Variants in LNPEP observed in about 807,000 individuals in gnomAD.
LNPEP encodes leucyl and cystinyl aminopeptidase, also known as leucyl-cystinyl aminopeptidase.
In LNPEP, 64 loss-of-function variants were observed where a neutral mutation model predicts 120.6. That is an observed-to-expected ratio of 0.53 (90% CI 0.43 to 0.65). The LOEUF is 0.65. Among genes scored for constraint, LNPEP ranks in the 30% least tolerant of loss-of-function variants. The pLI, the probability that LNPEP is intolerant of heterozygous loss-of-function variation, is 0.00. For missense variants in LNPEP, 1,057 were observed against 1,200.0 expected (o/e 0.88, Z 1.76); for synonymous variants, 435 against 425.4 (o/e 1.02, Z -0.28).
In LNPEP at chr5:97,006,236, A is replaced by G; in HGVS notation, c.1946+3A>G. On this transcript the variant is annotated splice_donor_region_variant and intron_variant, in intron 10 of 17. Coordinates refer to ENST00000231368, the MANE Select transcript of LNPEP (RefSeq NM_005575.3). ...GAAATTCAGCCTTCAGATACAAGGT[A>G]CATGCCCTCTTTCTTTTCATGCCAT... is the stretch of plus-strand genomic sequence containing the variant. 6.3e-7 allele frequency: 1 copy of G among 1,594,406 alleles called. No individual in the cohort carries two copies. Among genetic ancestry groups the G allele is most frequent in the Non-Finnish European group, 8.5e-7 (1 of 1,171,658 alleles).
chr5:97,021,308 T>G (rs920860799), intron 13 of LNPEP, among the ~76,000 whole-genome samples: 2 of 152,232 alleles, frequency 1.3e-5, no homozygotes, highest in Non-Finnish European at 2.9e-5. Flanking sequence ...AAAAAACTGT[T>G]GAATCTAGAT....
chr5:96,958,357 C>A, intron 1 of LNPEP: 1 of 446,732 alleles, frequency 2.2e-6, no homozygotes, highest in Non-Finnish European at 3.0e-6. Context: ...CTGATCTTCT[C>A]AGAATTGCTT....
rs556990502 is a variant in LNPEP, at chr5:97,029,632, A to G, written c.*1099A>G. 1 of 151,706 alleles carries G rather than the reference A, an allele frequency of 6.6e-6. No individual in the cohort carries two copies. Among genetic ancestry groups the G allele is most frequent in the Non-Finnish European group, 1.5e-5 (1 of 67,468 alleles). 9.4% of individuals were successfully genotyped at this position (151,706 alleles called of 1,614,324 possible). A position where few individuals can be genotyped will look rare whatever the true frequency, so the allele number is the denominator to read the frequency against. On this transcript the variant is annotated 3_prime_UTR_variant, in exon 18 of 18. Coordinates refer to ENST00000231368, the MANE Select transcript of LNPEP (RefSeq NM_005575.3). ...TCACCATAGTACCTTAAAGGAACAAAGAGAATGTGGGATAGGAGTAACTTG... is the reference window on the plus strand; with the variant it reads ...TCACCATAGTACCTTAAAGGAACAAGGAGAATGTGGGATAGGAGTAACTTG...
chr5:96,947,051 A>C (rs951085504), intron 1 of LNPEP, among the ~76,000 whole-genome samples: 3 of 152,246 alleles, frequency 2.0e-5, no homozygotes, highest in African/African-American at 7.2e-5. Context: ...ACTATAGTAT[A>C]GCGAATTGAT....
At position 97,028,388 on chromosome 5, in the gene LNPEP, T is replaced by C; in HGVS notation, c.2947-14T>C. On this transcript the variant is annotated splice_polypyrimidine_tract_variant and intron_variant, in intron 17 of 17. Transcript: ENST00000231368. ...CTTTTCTTCTTTTGAAATTCTTCTG[T>C]GTGAAACTTACAGGTTCAGGCATTC... is the stretch of plus-strand genomic sequence containing the variant. The C allele has an allele frequency of 6.2e-7, 1 of 1,612,994 alleles. No homozygotes were observed. The highest frequency in any genetic ancestry group is 8.5e-7 in the Non-Finnish European group (1 of 1,179,046).
chr5:96,985,789 G>A (rs1346328824), intron 3 of LNPEP, among the ~76,000 whole-genome samples: 1 of 151,232 alleles, frequency 6.6e-6, no homozygotes, highest in African/African-American at 2.4e-5. Context: ...GACACCTGAG[G>A]GACTGTGCAG....
At chr5:97,001,881 T>C (rs1790661535) in intron 8 of LNPEP, among the ~76,000 whole-genome samples, 1 of 152,208 alleles carries the variant, frequency 6.6e-6, no homozygotes, top group Admixed American at 6.5e-5. Flanking sequence ...AGCTCACGCC[T>C]GTAATCCCAG....
chr5:97,006,254 C>G, intron 10 of LNPEP, 21 bp downstream of exon 10: 2 of 1,578,016 alleles, frequency 1.3e-6, no homozygotes, highest in South Asian at 1.2e-5. Flanking sequence ...TCTTTCTTTT[C>G]ATGCCATCTC....
intron 6 of LNPEP, 112 bp downstream of exon 6, chr5:96,994,083 T>C (rs1790453146): frequency 1.2e-6 from 1 of 822,434 alleles, no homozygotes; most frequent in Admixed American, 2.6e-5. Flanking sequence ...CATTGCCTTC[T>C]TTTATAATAG....
In LNPEP at chr5:97,035,022, TGTG is replaced by T. The variant is rs1349161439; in HGVS notation, c.*6492_*6494del. 7 of 152,158 alleles carry T rather than the reference TGTG, an allele frequency of 4.6e-5. No homozygotes were observed. The highest frequency in any genetic ancestry group is 3.3e-4 in the Admixed American group (5 of 15,258). 9.4% of individuals were successfully genotyped at this position (152,158 alleles called of 1,614,324 possible). ...TTGCTACATTCTGTGTGTTATATAA[TGTG>T]GTACCCAGTCCTCTGCTGGGACATG... is the stretch of plus-strand genomic sequence containing the variant. On this transcript the variant is annotated 3_prime_UTR_variant, in exon 18 of 18. Coordinates refer to ENST00000231368, the MANE Select transcript of LNPEP (RefSeq NM_005575.3).
rs1315689779 is a variant in LNPEP at position 96,936,131 on chromosome 5, T to A, written c.-25T>A. On this transcript the variant is annotated 5_prime_UTR_variant, in exon 1 of 18. Coordinates refer to ENST00000231368, the MANE Select transcript of LNPEP (RefSeq NM_005575.3). The stretch of plus-strand genomic sequence containing the variant: ...GAGTAGGAAGCTCGGGCGCTCCGGC[T>A]GTAAGGAGCCGCGGCGGGGGGAAAA... 2.6e-6 allele frequency: 4 copies of A among 1,513,970 alleles called. No homozygotes were observed. The East Asian group carries it at 8.3e-5, about 31-fold the overall frequency. The allele number at this position is 1,513,970 out of a possible 1,614,324, so 93.8% of individuals were successfully genotyped here.
chr5:96,998,854 G>T (rs27306), intron 8 of LNPEP, among the ~76,000 whole-genome samples: 95,042 of 151,986 alleles, frequency 0.63, 29,874 homozygotes, highest in Middle Eastern at 0.73. Context: ...CCTAGGATAA[G>T]GAAGAGAAAC....
intron 1 of LNPEP, among the ~76,000 whole-genome samples, chr5:96,964,229 G>A (rs555610904): frequency 7.9e-5 from 12 of 151,576 alleles, no homozygotes; most frequent in African/African-American, 2.9e-4. Flanking sequence ...TTTCACTGTC[G>A]TGGATCAATT....
intron 1 of LNPEP, among the ~76,000 whole-genome samples, chr5:96,956,269 T>G (rs1425198769): frequency 6.6e-6 from 1 of 152,252 alleles, no homozygotes; most frequent in Non-Finnish European, 1.5e-5. Context: ...AAGATGTTGC[T>G]CTATCATTTT....
At chr5:96,998,183 A>T in intron 8 of LNPEP, 38 bp downstream of exon 8, 4 of 1,502,466 alleles carry the variant, frequency 2.7e-6, no homozygotes, top group African/African-American at 1.4e-5. Context: ...GAGTGGGTTT[A>T]AAATTTCGTA....
At chr5:97,003,370 T>G in intron 8 of LNPEP, 45 bp from the exon 9 acceptor site, 1 of 1,125,324 alleles carries the variant, frequency 8.9e-7, no homozygotes, top group Non-Finnish European at 1.3e-6. Context: ...TAATCTATAG[T>G]ATTCTATTAT....
In LNPEP at chr5:96,997,831, G is replaced by A. The variant is rs144771416; in HGVS notation, c.1522-183G>A. Among the ~76,000 whole-genome samples the A allele has an allele frequency of 1.8e-3, 280 of 152,110 alleles. 1 individual carries two copies. The highest frequency in any genetic ancestry group is 8.7e-3 in the Admixed American group (133 of 15,282). ...GTTATAATTGTATCTTTAAATTTAAGGAATATTCATGAAGTTTACAATCTT... is the reference window on the plus strand; with the variant it reads ...GTTATAATTGTATCTTTAAATTTAAAGAATATTCATGAAGTTTACAATCTT... On this transcript the variant is annotated intron_variant, in intron 7 of 17. Coordinates refer to ENST00000231368, the MANE Select transcript of LNPEP (RefSeq NM_005575.3).
chr5:96,985,337 C>A, intron 3 of LNPEP, 119 bp downstream of exon 3: 1 of 804,244 alleles, frequency 1.2e-6, no homozygotes, highest in Non-Finnish European at 1.8e-6. Flanking sequence ...CATTAATATT[C>A]TTCCTTAAAA....
intron 6 of LNPEP, among the ~76,000 whole-genome samples, chr5:96,994,951 T>C (rs1263170346): frequency 1.3e-5 from 2 of 152,116 alleles, no homozygotes; most frequent in Non-Finnish European, 2.9e-5. Context: ...CTACTAAAAA[T>C]ACAAAAATTA....
Sources: gnomAD v4.1 joint callset for allele counts (sites outside exome capture counted in the v4.1 genomes callset) on GRCh38, gnomAD v4.1.1 for gene constraint, MANE v1.5 for transcripts, NCBI Gene and HGNC (gene_info 2026-07-23, HGNC 2026-07-21) for gene names.